DNAJC24: variants seen among roughly 807,000 people sequenced by gnomAD.
DNAJC24 encodes dnaJ homolog subfamily C member 24.
DNAJC24 carries 17 observed loss-of-function variants against 18.0 expected under a neutral mutation model. That is an observed-to-expected ratio of 0.94 (90% CI 0.65 to 1.42). The LOEUF is 1.42. DNAJC24 is among the 40% of genes most tolerant of loss of function. DNAJC24 has a pLI of 0.00. For synonymous variants in DNAJC24, 55 were observed against 57.7 expected, an observed-to-expected ratio of 0.95 and a Z score of 0.21; for missense variants, 158 against 175.6, an observed-to-expected ratio of 0.90 and a Z score of 0.57.
At chr11:31,387,680 A>C (rs1952443304) in intron 2 of DNAJC24, among the ~76,000 whole-genome samples, 1 of 152,166 alleles carries the variant, frequency 6.6e-6, no homozygotes, top group Non-Finnish European at 1.5e-5. Flanking sequence ...GACTGCAATA[A>C]ATTCCTAATT....
At chr11:31,416,517 A>C (rs1952752800) in intron 3 of DNAJC24, 1 of 152,124 alleles carries the variant, frequency 6.6e-6, no homozygotes, top group Non-Finnish European at 1.5e-5. Flanking sequence ...TCTCTACTAT[A>C]TAGGATGCCA....
intron 2 of DNAJC24, among the ~76,000 whole-genome samples, chr11:31,397,643 A>G (rs1321841402): frequency 3.3e-5 from 5 of 152,186 alleles, no homozygotes; most frequent in South Asian, 2.1e-4. Flanking sequence ...AGCCAAAGTC[A>G]GTCAATGTGC....
At chr11:31,399,147 A>T (rs912004448) in intron 2 of DNAJC24, among the ~76,000 whole-genome samples, 1 of 152,152 alleles carries the variant, frequency 6.6e-6, no homozygotes, top group Non-Finnish European at 1.5e-5. Context: ...AATTGTTTTT[A>T]TATCTTATGT....
At chr11:31,429,413 CTTAT>C (rs1952897417) in intron 4 of DNAJC24, 2 of 345,492 alleles carry the variant, frequency 5.8e-6, no homozygotes, top group Non-Finnish European at 6.4e-6. Context: ...TCCTTTGAGA[CTTAT>C]TTATGTAATA....
chr11:31,376,995 A>G (rs1199377303), intron 2 of DNAJC24, among the ~76,000 whole-genome samples: 2 of 152,156 alleles, frequency 1.3e-5, no homozygotes, highest in African/African-American at 4.8e-5. Context: ...AAAAACAAAA[A>G]CAGGCTTTTA....
At chr11:31,376,069 TCCCC>T (rs1460344348) in intron 2 of DNAJC24, among the ~76,000 whole-genome samples, 14,704 of 131,306 alleles carry the variant, frequency 0.11, 2,385 homozygotes, top group Middle Eastern at 0.17. Flanking sequence ...AGGAGGGGGT[TCCCC>T]CATATTGTTC....
In DNAJC24 at chr11:31,374,170, C is replaced by G. The variant is rs1238762064; in HGVS notation, c.111+3311C>G. On this transcript the variant is annotated intron_variant, in intron 2 of 4. Coordinates refer to ENST00000465995, the MANE Select transcript of DNAJC24 (RefSeq NM_181706.5). ...TAAGAGCAGGTATCCTTGCCTTGTTCCTGATTTTAAGAGGAAAACCTTCAA... is the reference window on the plus strand; with the variant it reads ...TAAGAGCAGGTATCCTTGCCTTGTTGCTGATTTTAAGAGGAAAACCTTCAA... 5.4e-6 allele frequency: 2 copies of G among 371,132 alleles called. 1 individual carries two copies. Among genetic ancestry groups the G allele is most frequent in the Non-Finnish European group, 1.1e-5 (2 of 178,526 alleles). 23.0% of individuals were successfully genotyped at this position (371,132 alleles called of 1,614,324 possible).
At chr11:31,409,923 C>A (rs1952691298) in intron 2 of DNAJC24, among the ~76,000 whole-genome samples, 1 of 140,884 alleles carries the variant, frequency 7.1e-6, no homozygotes, top group Non-Finnish European at 1.5e-5. Flanking sequence ...CTTGCTGTGT[C>A]ATTTAGGCTG....
intron 2 of DNAJC24, among the ~76,000 whole-genome samples, chr11:31,399,955 C>T (rs1952584544): frequency 6.6e-6 from 1 of 151,946 alleles, no homozygotes; most frequent in Admixed American, 6.6e-5. Context: ...TGTTCCCCTC[C>T]CTGTGTCCAT....
intron 2 of DNAJC24, among the ~76,000 whole-genome samples, chr11:31,372,131 T>C (rs1229347323): frequency 6.6e-6 from 1 of 152,128 alleles, no homozygotes. Flanking sequence ...CCGACTCTTT[T>C]TTTTTTAAAT....
chr11:31,410,315 G>C (rs1034430504), intron 2 of DNAJC24, among the ~76,000 whole-genome samples: 10 of 152,156 alleles, frequency 6.6e-5, no homozygotes, highest in African/African-American at 2.4e-4. Flanking sequence ...TGTGCACACT[G>C]TCTGTTCATC....
chr11:31,406,235 T>C (rs1952657219), intron 2 of DNAJC24, among the ~76,000 whole-genome samples: 1 of 152,218 alleles, frequency 6.6e-6, no homozygotes, highest in African/African-American at 2.4e-5. Flanking sequence ...TTTTCATAGT[T>C]TCAATGTAAT....
intron 2 of DNAJC24, among the ~76,000 whole-genome samples, chr11:31,384,218 C>A (rs1351269696): frequency 6.6e-6 from 1 of 152,216 alleles, no homozygotes; most frequent in Non-Finnish European, 1.5e-5. Flanking sequence ...TAAGGCACAA[C>A]TCAAAGAACT....
intron 2 of DNAJC24, among the ~76,000 whole-genome samples, chr11:31,387,887 A>T (rs946327195): frequency 2.0e-5 from 3 of 152,180 alleles, no homozygotes; most frequent in Non-Finnish European, 4.4e-5. Context: ...TCAAAATCCT[A>T]TCAAATAAAT....
intron 2 of DNAJC24, among the ~76,000 whole-genome samples, chr11:31,405,661 C>G (rs1952650642): frequency 6.6e-6 from 1 of 151,840 alleles, no homozygotes; most frequent in Admixed American, 6.6e-5. Flanking sequence ...TTCTGTGTTG[C>G]CCAGGCTGGT....
chr11:31,402,049 G>A (rs1244537096), intron 2 of DNAJC24, among the ~76,000 whole-genome samples: 2 of 152,148 alleles, frequency 1.3e-5, no homozygotes, highest in South Asian at 2.1e-4. Flanking sequence ...TGTGTTGTTA[G>A]GCAATTTCAC....
chr11:31,415,969 A>G (rs1424262688), intron 3 of DNAJC24: 1 of 152,094 alleles, frequency 6.6e-6, no homozygotes, highest in African/African-American at 2.4e-5. Flanking sequence ...ATCCCTATTT[A>G]TTTTCAGAGG....
chr11:31,428,781 TAA>T (rs765495180), intron 4 of DNAJC24, among the ~76,000 whole-genome samples: 157 of 152,218 alleles, frequency 1.0e-3, no homozygotes, highest in Non-Finnish European at 5.6e-4. Flanking sequence ...ATGATTTCTG[TAA>T]AAGTTATCAC....
At chr11:31,416,346 G>A (rs1013637141) in intron 3 of DNAJC24, 8 of 152,128 alleles carry the variant, frequency 5.3e-5, no homozygotes, top group South Asian at 2.1e-4. Flanking sequence ...AGTTCTACCC[G>A]TTGGTGTATC....
Sources: allele counts gnomAD v4.1 joint callset (sites outside exome capture counted in the v4.1 genomes callset), GRCh38; gene constraint gnomAD v4.1.1; transcripts MANE v1.5; gene names NCBI Gene and HGNC (gene_info 2026-07-23, HGNC 2026-07-21).